The following FAM180A variants were observed in gnomAD, a reference collection of about 807,000 sequenced individuals.
FAM180A encodes the protein family with sequence similarity 180 member A, also known as protein FAM180A.
Under a neutral mutation model 15.3 loss-of-function variants are expected in FAM180A, and 14 were observed. The ratio of observed to expected loss-of-function variants is 0.92; its 90% CI spans 0.61 to 1.43. The LOEUF is 1.43. FAM180A is among the 40% of genes most tolerant of loss of function. FAM180A has a pLI of 0.00. For synonymous variants in FAM180A, 90 were observed against 96.8 expected, an observed-to-expected ratio of 0.93 and a Z score of 0.41; for missense variants, 200 against 220.8, an observed-to-expected ratio of 0.91 and a Z score of 0.60.
intron 1 of FAM180A, among the ~76,000 whole-genome samples, chr7:135,746,848 C>A (rs575013042): frequency 2.0e-5 from 3 of 152,246 alleles, no homozygotes; most frequent in African/African-American, 7.2e-5. Flanking sequence ...GCCTATAATC[C>A]CAGAACTTTG....
At chr7:135,743,210 CATT>C in intron 1 of FAM180A, among the ~76,000 whole-genome samples, 1 of 136,318 alleles carries the variant, frequency 7.3e-6, no homozygotes, top group South Asian at 2.4e-4. Flanking sequence ...TTTTCTCCCT[CATT>C]GTTCCTTTTT....
intron 1 of FAM180A, among the ~76,000 whole-genome samples, chr7:135,747,621 C>T (rs1011064140): frequency 6.6e-6 from 1 of 152,120 alleles, no homozygotes; most frequent in African/African-American, 2.4e-5. Context: ...GCATCCATGC[C>T]ACCATGCCAG....
At chr7:135,730,342 G>C (rs943614905) in intron 3 of FAM180A, 61 bp from the exon 4 acceptor site, 2 of 584,362 alleles carry the variant, frequency 3.4e-6, no homozygotes, top group African/African-American at 4.1e-5. Flanking sequence ...AGGAGTTTGA[G>C]ACCAGCCTGG....
chr7:135,747,686 C>G (rs1346831673), intron 1 of FAM180A, among the ~76,000 whole-genome samples: 2 of 152,146 alleles, frequency 1.3e-5, no homozygotes, highest in Non-Finnish European at 2.9e-5. Context: ...TTGAAGGAGC[C>G]TGTTCTTCTT....
At chr7:135,732,722 C>T (rs1796803134) in intron 3 of FAM180A, among the ~76,000 whole-genome samples, 1 of 137,504 alleles carries the variant, frequency 7.3e-6, no homozygotes, top group South Asian at 2.2e-4. Flanking sequence ...CACACACACA[C>T]ACACACACAC....
chr7:135,741,513 C>G (rs528547826), intron 1 of FAM180A, among the ~76,000 whole-genome samples: 1 of 75,830 alleles, frequency 1.3e-5, no homozygotes, highest in East Asian at 3.6e-4. Context: ...GAGACTCTGT[C>G]TCAAAAAAAA....
At chr7:135,733,054 C>G (rs1056691817) in intron 3 of FAM180A, among the ~76,000 whole-genome samples, 1 of 152,172 alleles carries the variant, frequency 6.6e-6, no homozygotes, top group Non-Finnish European at 1.5e-5. Flanking sequence ...CTTCCTGTTT[C>G]TCTTCTGTGT....
chr7:135,741,064 G>A (rs1184151503), intron 1 of FAM180A, among the ~76,000 whole-genome samples: 1 of 152,014 alleles, frequency 6.6e-6, no homozygotes, highest in African/African-American at 2.4e-5. Context: ...AATCACAGCC[G>A]CTGCCTGCCT....
intron 1 of FAM180A, among the ~76,000 whole-genome samples, chr7:135,741,920 C>T (rs1275136748): frequency 1.3e-5 from 2 of 151,962 alleles, no homozygotes; most frequent in Admixed American, 6.6e-5. Context: ...AGAGGTCCTA[C>T]CAATCCATTT....
chr7:135,746,168 G>T (rs1797029873), intron 1 of FAM180A, among the ~76,000 whole-genome samples: 1 of 152,124 alleles, frequency 6.6e-6, no homozygotes, highest in Non-Finnish European at 1.5e-5. Flanking sequence ...TGAGTCAGTG[G>T]ATTGTGAACT....
At chr7:135,739,680 T>TAAA (rs35701835) in intron 1 of FAM180A, among the ~76,000 whole-genome samples, 11,441 of 140,096 alleles carry the variant, frequency 0.082, 625 homozygotes, top group African/African-American at 0.15. Flanking sequence ...CAGAAGTGAT[T>TAAA]AAAAAAAAAA....
chr7:135,746,943 T>C (rs557521738), intron 1 of FAM180A, among the ~76,000 whole-genome samples: 3 of 151,930 alleles, frequency 2.0e-5, no homozygotes, highest in Non-Finnish European at 4.4e-5. Context: ...CTACTAAAAA[T>C]ACAAAAATTA....
At chr7:135,732,395 G>A (rs1430365858) in intron 3 of FAM180A, among the ~76,000 whole-genome samples, 1 of 152,168 alleles carries the variant, frequency 6.6e-6, no homozygotes, top group Admixed American at 6.6e-5. Flanking sequence ...TCATTAGAAT[G>A]TTTAAATGAT....
chr7:135,746,470 C>T (rs976100420), intron 1 of FAM180A, among the ~76,000 whole-genome samples: 12 of 152,250 alleles, frequency 7.9e-5, no homozygotes, highest in African/African-American at 2.9e-4. Context: ...GGTTAAGAGA[C>T]TTGTCTGAGA....
intron 1 of FAM180A, among the ~76,000 whole-genome samples, chr7:135,744,757 G>A (rs1050549566): frequency 2.0e-5 from 3 of 152,202 alleles, no homozygotes; most frequent in African/African-American, 7.2e-5. Flanking sequence ...CCTTGCAGCT[G>A]GGGGAGCTGG....
In FAM180A at chr7:135,734,106, C is replaced by T; in HGVS notation, c.391G>A (p.Ala131Thr). ...AGGGCTGTGCGGTAGGCTGTGTAGGCCAGGGTCAGCACTGTCCTTTCAAAG... is the reference window on the plus strand; with the variant it reads ...AGGGCTGTGCGGTAGGCTGTGTAGGTCAGGGTCAGCACTGTCCTTTCAAAG... ...EDFERTVLTL[A>T]YTAYRTALSH... Residue 131 changes from alanine to threonine, a missense_variant, in exon 3 of 4, where the codon GCC (alanine) becomes ACC (threonine). Transcript: ENST00000338588. The T allele has an allele frequency of 6.2e-7, 1 of 1,614,134 alleles. No individual in the cohort carries two copies. The highest frequency in any genetic ancestry group is 1.1e-5 in the South Asian group (1 of 91,088).
In FAM180A at chr7:135,734,212, G is replaced by A. The variant is rs766445279; in HGVS notation, c.285C>T (p.Asn95=). The A allele has an allele frequency of 8.1e-6, 13 of 1,614,116 alleles. No homozygotes were observed. The highest frequency in any genetic ancestry group is 3.3e-5 in the Admixed American group (2 of 60,012). ...KASDFRTVCN[N]VIPKSIPDIR... The stretch of plus-strand genomic sequence containing the variant: ...TGTCTGGGATGCTCTTGGGGATGAC[G>A]TTGTTGCAGACGGTGCGGAAGTCTG... Residue 95 remains asparagine (N), a synonymous_variant, in exon 3 of 4, where the codon AAC becomes AAT. Coordinates refer to ENST00000338588, the MANE Select transcript of FAM180A (RefSeq NM_205855.4).
intron 1 of FAM180A, among the ~76,000 whole-genome samples, chr7:135,738,379 A>G (rs996266550): frequency 1.3e-5 from 2 of 152,232 alleles, no homozygotes; most frequent in African/African-American, 2.4e-5. Flanking sequence ...TTTTTAGTAG[A>G]GACAGGATTT....
intron 1 of FAM180A, among the ~76,000 whole-genome samples, chr7:135,741,956 T>C (rs946078477): frequency 6.6e-6 from 1 of 152,238 alleles, no homozygotes; most frequent in Non-Finnish European, 1.5e-5. Context: ...AGAATGTATG[T>C]GTGGGAAGCA....
Sources: allele counts gnomAD v4.1 joint callset (sites outside exome capture counted in the v4.1 genomes callset), GRCh38; gene constraint gnomAD v4.1.1; transcripts MANE v1.5; gene names NCBI Gene and HGNC (gene_info 2026-07-23, HGNC 2026-07-21).